AKT3: variants seen among roughly 807,000 people sequenced by gnomAD.
AKT3 encodes AKT serine/threonine kinase 3.
Under a neutral mutation model 65.3 loss-of-function variants are expected in AKT3, and 15 were observed. That is an observed-to-expected ratio of 0.23 (90% CI 0.15 to 0.35). The LOEUF is 0.35. Among genes scored for constraint, AKT3 ranks in the 10% least tolerant of loss-of-function variants. AKT3 has a pLI of 1.00. For synonymous variants in AKT3, 206 were observed against 183.8 expected (o/e 1.12, Z -0.98); for missense variants, 243 against 576.5 (o/e 0.42, Z 5.92).
rs183259921 is a variant in AKT3, at chr1:243,597,757, C to T, written c.696+15914G>A. Among the ~76,000 whole-genome samples, 798 of 152,336 alleles carry T rather than the reference C, an allele frequency of 5.2e-3. 15 individuals carry two copies. The South Asian group carries it at 0.054, about 10-fold the overall frequency. ...GTTCAAGTGATCCTCCTGCCTTGGC[C>T]TCCCAAAGTGCTGGGCATGAGCCAC... On this transcript the variant is annotated intron_variant, in intron 8 of 13. Transcript: ENST00000673466.
intron 5 of AKT3, among the ~76,000 whole-genome samples, chr1:243,638,742 A>G: frequency 6.6e-6 from 1 of 152,086 alleles, no homozygotes; most frequent in African/African-American, 2.4e-5. Flanking sequence ...TGCCTTTTAT[A>G]ACTTTTTTTT....
intron 5 of AKT3, among the ~76,000 whole-genome samples, chr1:243,638,043 A>G (rs1222589465): frequency 6.6e-6 from 1 of 152,092 alleles, no homozygotes; most frequent in Non-Finnish European, 1.5e-5. Flanking sequence ...ATTTTTAAGG[A>G]CTCAAGTTTT....
chr1:243,515,993 C>G (rs951865989), intron 12 of AKT3, among the ~76,000 whole-genome samples: 1 of 150,846 alleles, frequency 6.6e-6, no homozygotes, highest in Admixed American at 6.6e-5. Flanking sequence ...AAAAAAAAAT[C>G]TCTTGCATAT....
intron 6 of AKT3, among the ~76,000 whole-genome samples, chr1:243,633,373 T>G (rs1185843455): frequency 6.6e-6 from 1 of 152,188 alleles, no homozygotes; most frequent in Admixed American, 6.5e-5. Context: ...AGTATTACTG[T>G]AAGTTTGTGT....
chr1:243,833,358 T>TA (rs1694660516), intron 2 of AKT3, among the ~76,000 whole-genome samples: 1 of 152,096 alleles, frequency 6.6e-6, no homozygotes, highest in Non-Finnish European at 1.5e-5. Flanking sequence ...TCAGGAAACT[T>TA]ACAATCATGG....
downstream of AKT3, among the ~76,000 whole-genome samples, chr1:243,498,331 G>GT (rs1668554395): frequency 6.6e-6 from 1 of 152,216 alleles, no homozygotes; most frequent in African/African-American, 2.4e-5. Context: ...AGTGCATGGG[G>GT]TGGACTCCTC....
At chr1:243,533,664 A>G (rs970492733) in intron 12 of AKT3, among the ~76,000 whole-genome samples, 1 of 152,200 alleles carries the variant, frequency 6.6e-6, no homozygotes, top group African/African-American at 2.4e-5. Context: ...GGATACACAC[A>G]CACACAAAGA....
intron 3 of AKT3, among the ~76,000 whole-genome samples, chr1:243,685,100 G>A (rs1267056467): frequency 3.3e-5 from 5 of 152,082 alleles, no homozygotes; most frequent in Non-Finnish European, 7.3e-5. Context: ...CATTCTGTAG[G>A]CTGCCTGTTC....
At chr1:243,846,216 C>T (rs1695515946) in intron 1 of AKT3, among the ~76,000 whole-genome samples, 2 of 152,108 alleles carry the variant, frequency 1.3e-5, no homozygotes, top group African/African-American at 4.8e-5. Flanking sequence ...TCCTCCTTCC[C>T]CTCCCATCCC....
intron 2 of AKT3, among the ~76,000 whole-genome samples, chr1:243,716,991 G>A (rs1432029003): frequency 6.6e-6 from 1 of 152,136 alleles, no homozygotes; most frequent in East Asian, 1.9e-4. Flanking sequence ...ATCTTCTTCA[G>A]GGATTGTGTC....
intron 2 of AKT3, among the ~76,000 whole-genome samples, chr1:243,830,955 C>A (rs1489555026): frequency 6.6e-6 from 1 of 152,176 alleles, no homozygotes; most frequent in African/African-American, 2.4e-5. Flanking sequence ...AAAAATTTGA[C>A]AGATATACAA....
At chr1:243,497,508 G>A (rs1025001815), downstream of AKT3, among the ~76,000 whole-genome samples, 13 of 152,050 alleles carry the variant, frequency 8.5e-5, no homozygotes, top group South Asian at 2.1e-4. Flanking sequence ...GGTGAGGCCC[G>A]TACATCTGTG....
intron 12 of AKT3, among the ~76,000 whole-genome samples, chr1:243,527,001 CACT>C (rs1671154064): frequency 6.6e-6 from 1 of 151,964 alleles, no homozygotes; most frequent in South Asian, 2.1e-4. Flanking sequence ...AAAAGAATAA[CACT>C]GGAAACAGCA....
At chr1:243,521,537 C>G (rs1463839294) in intron 12 of AKT3, among the ~76,000 whole-genome samples, 1 of 152,080 alleles carries the variant, frequency 6.6e-6, no homozygotes, top group Non-Finnish European at 1.5e-5. Context: ...CTAAGCTGTG[C>G]CATACCAATG....
At chr1:243,695,272 T>C (rs1684989712) in intron 3 of AKT3, among the ~76,000 whole-genome samples, 1 of 151,934 alleles carries the variant, frequency 6.6e-6, no homozygotes, top group East Asian at 1.9e-4. Flanking sequence ...CATCTTATAA[T>C]CATGCTAAAT....
rs1688596080 is a variant in AKT3 at position 243,748,208 on chromosome 1, T to C, written c.47-52492A>G. 2.0e-5 allele frequency among the ~76,000 whole-genome samples: 3 copies of C among 152,290 alleles called. No homozygotes were observed. The highest frequency in any genetic ancestry group is 1.5e-5 in the Non-Finnish European group (1 of 68,002). ...ATTTATATTGCATAGCTATCCAAAA[T>C]TGTTCAGAGTTTTGAAAGAACCAAG... On this transcript the variant is annotated intron_variant, in intron 2 of 13. Coordinates refer to ENST00000673466, the MANE Select transcript of AKT3 (RefSeq NM_005465.7).
At chr1:243,604,705 T>C (rs1677267853) in intron 8 of AKT3, among the ~76,000 whole-genome samples, 1 of 152,204 alleles carries the variant, frequency 6.6e-6, no homozygotes, top group African/African-American at 2.4e-5. Context: ...TAACCAGTAT[T>C]ATCAGAGCAA....
chr1:243,498,285 G>A (rs1303267505), downstream of AKT3, among the ~76,000 whole-genome samples: 1 of 152,224 alleles, frequency 6.6e-6, no homozygotes, highest in African/African-American at 2.4e-5. Flanking sequence ...GAGGACAGAA[G>A]GGAGTCCCCT....
chr1:243,835,972 A>C (rs1370619261), intron 2 of AKT3, among the ~76,000 whole-genome samples: 1 of 152,172 alleles, frequency 6.6e-6, no homozygotes, highest in Non-Finnish European at 1.5e-5. Flanking sequence ...CTAAATCCTA[A>C]CAAAGGCAAA....
Sources: gnomAD v4.1 joint callset for allele counts (sites outside exome capture counted in the v4.1 genomes callset) on GRCh38, gnomAD v4.1.1 for gene constraint, MANE v1.5 for transcripts, NCBI Gene and HGNC (gene_info 2026-07-23, HGNC 2026-07-21) for gene names.